OR10J1: variants seen among roughly 807,000 people sequenced by gnomAD.
OR10J1 encodes olfactory receptor family 10 subfamily J member 1, also known as olfactory receptor 10J1.
For synonymous variants in OR10J1, 202 were observed against 143.8 expected (o/e 1.40, Z -2.89); for missense variants, 474 against 376.6 (o/e 1.26, Z -2.14).
the OR10J1 span, among the ~76,000 whole-genome samples, chr1:159,427,122 A>G: frequency 6.6e-6 from 1 of 151,918 alleles, no homozygotes; most frequent in Non-Finnish European, 1.5e-5. Context: ...TAAAGAAGAA[A>G]CAAAAATAAA....
chr1:159,403,392 G>C, the OR10J1 span, among the ~76,000 whole-genome samples: 2 of 151,422 alleles, frequency 1.3e-5, no homozygotes, highest in South Asian at 4.2e-4. Flanking sequence ...AACCAAATGT[G>C]TAAGGAGCAC....
chr1:159,400,570 A>C, the OR10J1 span, among the ~76,000 whole-genome samples: 1 of 149,542 alleles, frequency 6.7e-6, no homozygotes, highest in South Asian at 2.1e-4. Context: ...ATATATATTT[A>C]TTACATAAAA....
chr1:159,413,263 T>C, the OR10J1 span, among the ~76,000 whole-genome samples: 1 of 152,126 alleles, frequency 6.6e-6, no homozygotes, highest in Non-Finnish European at 1.5e-5. Context: ...AGTTCAACCA[T>C]TGTGGTAGTC....
the OR10J1 span, chr1:159,405,895 AC>A: frequency 5.0e-6 from 3 of 597,274 alleles, no homozygotes; most frequent in South Asian, 3.4e-5. Context: ...CATAGATGTT[AC>A]TTGGACAATA....
At chr1:159,408,906 C>T in the OR10J1 span, among the ~76,000 whole-genome samples, 2 of 152,070 alleles carry the variant, frequency 1.3e-5, no homozygotes, top group South Asian at 4.1e-4. Flanking sequence ...GGACTTTGTG[C>T]TTCATAGCAA....
chr1:159,419,063 A>T, the OR10J1 span, among the ~76,000 whole-genome samples: 1 of 152,168 alleles, frequency 6.6e-6, no homozygotes, highest in Non-Finnish European at 1.5e-5. Context: ...GAAGTAACTA[A>T]CTTGCTTTTG....
At chr1:159,406,272 A>G in the OR10J1 span, 1 of 527,200 alleles carries the variant, frequency 1.9e-6, no homozygotes, top group Admixed American at 2.0e-5. Context: ...ACAAAGTTAG[A>G]AAGACAACAA....
upstream of OR10J1, chr1:159,439,701 A>T (rs1655847908): frequency 1.9e-5 from 28 of 1,511,692 alleles, no homozygotes; most frequent in Non-Finnish European, 2.5e-5. Flanking sequence ...AGAACTATTG[A>T]ACTTCAATCA....
the OR10J1 span, chr1:159,405,872 AG>A: frequency 1.5e-6 from 1 of 688,014 alleles, no homozygotes; most frequent in Non-Finnish European, 2.6e-6. Context: ...TCATCACAAA[AG>A]GGCAGGCCAA....
the OR10J1 span, among the ~76,000 whole-genome samples, chr1:159,431,117 G>A: frequency 6.6e-6 from 1 of 152,292 alleles, no homozygotes; most frequent in Non-Finnish European, 1.5e-5. Flanking sequence ...GGAGACTCGG[G>A]TATTAAACGC....
chr1:159,403,587 G>A, the OR10J1 span, among the ~76,000 whole-genome samples: 1 of 152,046 alleles, frequency 6.6e-6, no homozygotes, highest in Non-Finnish European at 1.5e-5. Context: ...CCAGTTAAAT[G>A]GTTTATATCC....
the OR10J1 span, among the ~76,000 whole-genome samples, chr1:159,423,256 A>G: frequency 1.3e-5 from 2 of 152,176 alleles, no homozygotes; most frequent in Non-Finnish European, 2.9e-5. Flanking sequence ...TACCCCATCC[A>G]CTGCCACACA....
chr1:159,407,917 GA>G, the OR10J1 span, among the ~76,000 whole-genome samples: 1 of 152,034 alleles, frequency 6.6e-6, no homozygotes. Flanking sequence ...CAATAGAAAA[GA>G]AAGGTAAATG....
rs1183714009 is a variant in OR10J1, at chr1:159,440,511, T to G, written c.720T>G (p.Cys240Trp). The change falls in exon 1 of 1, where the codon TGT becomes TGG. Residue 240 changes from cysteine to tryptophan, a missense_variant. Physicochemically the swap from Cys to Trp is radical, Grantham distance 215 (BLOSUM62 -2). Coordinates refer to ENST00000423932, the MANE Select transcript of OR10J1 (RefSeq NM_012351.3). ...VEGRKKAFAT[C>W]ASHLTVVIVH... ...GCCGGAAGAAGGCTTTTGCCACCTG[T>G]GCATCCCACCTCACTGTGGTCATTG... The G allele has an allele frequency of 2.5e-6, 4 of 1,614,014 alleles. No homozygotes were observed. Among genetic ancestry groups the G allele is most frequent in the Non-Finnish European group, 3.4e-6 (4 of 1,180,024 alleles).
At chr1:159,430,274 A>G in the OR10J1 span, among the ~76,000 whole-genome samples, 10 of 152,036 alleles carry the variant, frequency 6.6e-5, no homozygotes, top group Non-Finnish European at 1.2e-4. Context: ...TCTCATTGAA[A>G]TGCTGTCCAG....
At chr1:159,428,516 A>G in the OR10J1 span, among the ~76,000 whole-genome samples, 1 of 152,188 alleles carries the variant, frequency 6.6e-6, no homozygotes, top group Non-Finnish European at 1.5e-5. Context: ...AAGAAGAGAC[A>G]TTGACAAAAA....
the OR10J1 span, among the ~76,000 whole-genome samples, chr1:159,407,327 A>C: frequency 6.6e-6 from 1 of 152,152 alleles, no homozygotes; most frequent in African/African-American, 2.4e-5. Flanking sequence ...TAACTATGTA[A>C]CTGTGGGCAA....
the OR10J1 span, among the ~76,000 whole-genome samples, chr1:159,402,103 T>C: frequency 6.6e-6 from 1 of 151,894 alleles, no homozygotes; most frequent in South Asian, 2.1e-4. Flanking sequence ...CAAAATGAAA[T>C]ACAAGCCATA....
At position 159,439,747 on chromosome 1, in the gene OR10J1, T is replaced by G; in HGVS notation, c.-45T>G. 6.2e-7 allele frequency: 1 copy of G among 1,611,458 alleles called. No homozygotes were observed. Among genetic ancestry groups the G allele is most frequent in the Non-Finnish European group, 8.5e-7 (1 of 1,178,126 alleles). On this transcript the variant is annotated 5_prime_UTR_variant, in exon 1 of 1. Transcript: ENST00000423932. ...TGTGCTTCTACTGCTTTACTGGGAC[T>G]ATGTGACTTTTATGCTTTTATGTTT... is the stretch of plus-strand genomic sequence containing the variant.
Sources: gnomAD v4.1 joint callset for allele counts (sites outside exome capture counted in the v4.1 genomes callset) on GRCh38, gnomAD v4.1.1 for gene constraint, MANE v1.5 for transcripts, NCBI Gene and HGNC (gene_info 2026-07-23, HGNC 2026-07-21) for gene names.